The following CCT6A variants were observed in gnomAD, a reference collection of about 807,000 sequenced individuals.
CCT6A encodes the protein chaperonin containing TCP1 subunit 6A, also known as T-complex protein 1 subunit zeta.
In CCT6A, 6 loss-of-function variants were observed where a neutral mutation model predicts 58.6. The ratio of observed to expected loss-of-function variants is 0.10; its 90% CI spans 0.06 to 0.20. CCT6A has a LOEUF of 0.20. CCT6A is among the 10% of genes least tolerant of loss of function. The pLI, the probability that CCT6A is intolerant of heterozygous loss-of-function variation, is 1.00. For missense variants in CCT6A, 516 were observed against 648.8 expected (o/e 0.80, Z 2.22); for synonymous variants, 245 against 227.8 (o/e 1.08, Z -0.68).
intron 4 of CCT6A, among the ~76,000 whole-genome samples, chr7:56,056,030 G>T (rs1288318204): frequency 2.0e-5 from 3 of 152,128 alleles, no homozygotes; most frequent in Middle Eastern, 3.2e-3. Context: ...ATAAAGTGGA[G>T]ATTTTTTTAT....
intron 2 of CCT6A, among the ~76,000 whole-genome samples, chr7:56,053,748 G>A (rs1276227453): frequency 1.3e-5 from 2 of 151,916 alleles, no homozygotes; most frequent in Non-Finnish European, 2.9e-5. Context: ...ACAGAGTGAG[G>A]GTATCTCCAA....
At chr7:56,053,416 G>T (rs1232263166) in intron 2 of CCT6A, among the ~76,000 whole-genome samples, 1 of 152,146 alleles carries the variant, frequency 6.6e-6, no homozygotes, top group Non-Finnish European at 1.5e-5. Context: ...CTCAGTGGTG[G>T]CCCGTGTTTG....
At position 56,063,032 on chromosome 7, in the gene CCT6A, A is replaced by T; in HGVS notation, c.1543A>T (p.Ile515Phe). The T allele has an allele frequency of 6.2e-7, 1 of 1,612,974 alleles. No homozygotes were observed. The highest frequency in any genetic ancestry group is 8.5e-7 in the Non-Finnish European group (1 of 1,178,940). ...LHSCTVIATN[I>F]LLVDEIMRAG... ...TTTCAGCACTGTGATTGCCACCAAC[A>T]TTCTCTTGGTTGATGAGATCATGCG... Residue 515 changes from isoleucine (I) to phenylalanine (F), a missense_variant, in exon 14 of 14, where the codon ATT (isoleucine) becomes TTT (phenylalanine). Transcript: ENST00000275603.
intron 8 of CCT6A, among the ~76,000 whole-genome samples, chr7:56,059,279 G>T (rs1794381143): frequency 1.3e-5 from 2 of 152,170 alleles, no homozygotes; most frequent in South Asian, 4.1e-4. Flanking sequence ...GGGATTACAG[G>T]TGTGAGCCAC....
chr7:56,055,895 G>A (rs903858899), intron 4 of CCT6A, 98 bp downstream of exon 4: 101 of 881,906 alleles, frequency 1.1e-4, no homozygotes, highest in Admixed American at 3.8e-4. Context: ...CAATTACAAG[G>A]TGCTGTGTAG....
intron 6 of CCT6A, 100 bp from the exon 7 acceptor site, chr7:56,058,262 T>A (rs1794357212): frequency 2.1e-6 from 2 of 944,584 alleles, no homozygotes; most frequent in African/African-American, 3.3e-5. Context: ...AGGGGCAGGA[T>A]TGGAGCTCAG....
At chr7:56,060,215 CT>C in intron 9 of CCT6A, 53 bp from the exon 10 acceptor site, 1 of 1,515,680 alleles carries the variant, frequency 6.6e-7, no homozygotes, top group Non-Finnish European at 9.1e-7. Context: ...TCCCTCTTCT[CT>C]CTTCACTCTG....
rs1308518704 is a variant in CCT6A at position 56,052,495 on chromosome 7, G to C, written c.201+10G>C. On this transcript the variant is annotated intron_variant, in intron 2 of 13. Transcript: ENST00000275603. The stretch of plus-strand genomic sequence containing the variant: ...GCTGCTTCACGAAATGGTGAGAGGT[G>C]CTCTGGGCTAGGTCAGAAAGGTCTT... The C allele has an allele frequency of 6.8e-6, 11 of 1,610,042 alleles. No individual in the cohort carries two copies. Among genetic ancestry groups the C allele is most frequent in the Non-Finnish European group, 9.4e-6 (11 of 1,176,394 alleles).
At chr7:56,061,169 G>A (rs746098575) in intron 11 of CCT6A, among the ~76,000 whole-genome samples, 17 of 152,120 alleles carry the variant, frequency 1.1e-4, no homozygotes, top group Non-Finnish European at 5.9e-5. Context: ...AATATTTGCA[G>A]TATTAGGGGT....
chr7:56,060,206 C>T, intron 9 of CCT6A, 63 bp from the exon 10 acceptor site: 1 of 1,409,756 alleles, frequency 7.1e-7, no homozygotes, highest in African/African-American at 1.4e-5. Flanking sequence ...CTCTGTAAGT[C>T]CCTCTTCTCT....
Position 56,060,842 on chromosome 7 carries a change from G to T in CCT6A, c.1249G>T (p.Ala417Ser). The change falls in exon 11 of 14, where the codon GCA becomes TCA. Residue 417 changes from alanine (A) to serine (S), a missense_variant. This residue lies in a region of CCT6A where 315 missense variants were observed against 389.4 expected (regional missense o/e 0.81). Transcript: ENST00000275603. Reference sequence around the variant, plus strand: ...TCCAGGTGCTGGTGCCGTGGAAGTGGCAATGGCAGAAGCCCTGATTAAACA... The same window carrying T: ...TCCAGGTGCTGGTGCCGTGGAAGTGTCAATGGCAGAAGCCCTGATTAAACA... ...VVPGAGAVEVAMAEALIKHKP... is the reference protein window; with the variant it reads ...VVPGAGAVEVSMAEALIKHKP... The T allele has an allele frequency of 6.2e-7, 1 of 1,612,942 alleles. No homozygotes were observed. Among genetic ancestry groups the T allele is most frequent in the Non-Finnish European group, 8.5e-7 (1 of 1,179,942 alleles).
intron 6 of CCT6A, 98 bp downstream of exon 6, chr7:56,058,201 T>A (rs1794356382): frequency 2.2e-6 from 2 of 897,952 alleles, no homozygotes; most frequent in Non-Finnish European, 3.5e-6. Context: ...AGGACAATAA[T>A]GCTCAAATTG....
At chr7:56,057,183 T>A (rs1794327564) in intron 5 of CCT6A, among the ~76,000 whole-genome samples, 1 of 152,218 alleles carries the variant, frequency 6.6e-6, no homozygotes, top group Non-Finnish European at 1.5e-5. Context: ...TAATATTTTC[T>A]CCTGAAATAA....
rs1319438984 is a variant in CCT6A, at chr7:56,060,839, G to A, written c.1246G>A (p.Val416Met). 2 of 1,612,830 alleles carry A rather than the reference G, an allele frequency of 1.2e-6. No individual in the cohort carries two copies. The highest frequency in any genetic ancestry group is 1.1e-5 in the South Asian group (1 of 90,864). The change falls in exon 11 of 14, where the codon GTG (valine) becomes ATG (methionine). Residue 416 changes from valine to methionine, a missense_variant. Transcript: ENST00000275603. ...CVVPGAGAVE[V>M]AMAEALIKHK... ...GGTTCCAGGTGCTGGTGCCGTGGAA[G>A]TGGCAATGGCAGAAGCCCTGATTAA...
rs1353975774 is a variant in CCT6A at position 56,052,505 on chromosome 7, A to G, written c.201+20A>G. 1.9e-6 allele frequency: 3 copies of G among 1,590,134 alleles called. No individual in the cohort carries two copies. Among genetic ancestry groups the G allele is most frequent in the East Asian group, 4.5e-5 (2 of 44,778 alleles). On this transcript the variant is annotated intron_variant, in intron 2 of 13. Transcript: ENST00000275603. ...GAAATGGTGAGAGGTGCTCTGGGCT[A>G]GGTCAGAAAGGTCTTGATTTTCCGT... is the stretch of plus-strand genomic sequence containing the variant.
At chr7:56,054,149 T>C (rs1420444179) in intron 2 of CCT6A, among the ~76,000 whole-genome samples, 2 of 151,506 alleles carry the variant, frequency 1.3e-5, no homozygotes, top group East Asian at 4.1e-4. Flanking sequence ...AGCTTCCTCA[T>C]CTGTAAAGTA....
intron 8 of CCT6A, 179 bp downstream of exon 8, chr7:56,058,881 C>G: frequency 2.2e-6 from 1 of 451,380 alleles, no homozygotes; most frequent in Non-Finnish European, 4.0e-6. Flanking sequence ...CAAACTGAAA[C>G]TGTATACCCA....
chr7:56,054,690 G>A (rs1794267341), intron 3 of CCT6A, among the ~76,000 whole-genome samples, 187 bp downstream of exon 3: 1 of 152,144 alleles, frequency 6.6e-6, no homozygotes, highest in Non-Finnish European at 1.5e-5. Context: ...TTCTTGGCCT[G>A]AAAATAATTT....
chr7:56,062,262 C>G (rs1033853551), intron 12 of CCT6A, among the ~76,000 whole-genome samples: 4 of 152,272 alleles, frequency 2.6e-5, no homozygotes, highest in South Asian at 2.1e-4. Flanking sequence ...GGTGACAGCC[C>G]TGATCTTAGG....
Sources: allele counts gnomAD v4.1 joint callset (sites outside exome capture counted in the v4.1 genomes callset), GRCh38; gene constraint gnomAD v4.1.1; regional missense constraint gnomAD v4.1.1; transcripts MANE v1.5; gene names NCBI Gene and HGNC (gene_info 2026-07-23, HGNC 2026-07-21).